SLC6A20: variants seen among roughly 807,000 people sequenced by gnomAD.
SLC6A20 encodes the protein solute carrier family 6 member 20.
In SLC6A20, 73 loss-of-function variants were observed where a neutral mutation model predicts 64.3. The observed-to-expected ratio is 1.14, with a 90% CI of 0.94 to 1.38. The LOEUF is 1.38. SLC6A20 is among the 40% of genes most tolerant of loss of function. The pLI, the probability that SLC6A20 is intolerant of heterozygous loss-of-function variation, is 0.00. For synonymous variants in SLC6A20, 347 were observed against 329.6 expected (o/e 1.05, Z -0.57); for missense variants, 725 against 772.8 (o/e 0.94, Z 0.73).
intron 6 of SLC6A20, 119 bp downstream of exon 6, chr3:45,771,098 A>C: frequency 6.9e-7 from 1 of 1,444,610 alleles, no homozygotes; most frequent in Admixed American, 2.1e-5. Context: ...GGGAGTCCAA[A>C]TGTGAGCCCT....
rs775401748 is a variant in SLC6A20 at position 45,771,326 on chromosome 3, C to T, written c.826G>A (p.Ala276Thr). Residue 276 changes from alanine to threonine, a missense_variant, in exon 6 of 11, where the codon GCC becomes ACC. Coordinates refer to ENST00000358525, the MANE Select transcript of SLC6A20 (RefSeq NM_020208.4). Reference protein sequence around the residue: ...NEPSNNCQKHAIIVSLINSFT... With the variant: ...NEPSNNCQKHTIIVSLINSFT... The stretch of plus-strand genomic sequence containing the variant: ...CTGTTGATGAGGGACACGATGATGG[C>T]GTGCTTCTGGCAGTTGTTGGATGGC... The T allele has an allele frequency of 2.4e-5, 38 of 1,614,242 alleles. No individual in the cohort carries two copies. The East Asian group carries it at 4.9e-4, about 21-fold the overall frequency.
At chr3:45,796,066 C>T (rs902763444) in intron 1 of SLC6A20, among the ~76,000 whole-genome samples, 4 of 152,142 alleles carry the variant, frequency 2.6e-5, no homozygotes, top group Admixed American at 6.5e-5. Flanking sequence ...GGCTTGGCCG[C>T]CCCCGGGATG....
rs749703688 is a variant in SLC6A20, at chr3:45,796,422, C to A, written c.-3G>T. The A allele has an allele frequency of 1.2e-6, 2 of 1,609,632 alleles. No individual in the cohort carries two copies. Among genetic ancestry groups the A allele is most frequent in the Non-Finnish European group, 1.7e-6 (2 of 1,178,180 alleles). On this transcript the variant is annotated 5_prime_UTR_variant, in exon 1 of 11. Transcript: ENST00000358525. ...CACAGCGGCCGCGCTTTCTCCATGG[C>A]CCCGGCCTCGGCGCGCTCGGCTCCG...
At chr3:45,792,857 A>G (rs545193808) in intron 1 of SLC6A20, among the ~76,000 whole-genome samples, 92 of 152,254 alleles carry the variant, frequency 6.0e-4, no homozygotes, top group African/African-American at 2.2e-3. Context: ...GTTGTTAAAC[A>G]TTTACTGGGA....
At chr3:45,761,640 G>A (rs924558303) in intron 9 of SLC6A20, among the ~76,000 whole-genome samples, 4 of 152,162 alleles carry the variant, frequency 2.6e-5, no homozygotes, top group Non-Finnish European at 5.9e-5. Context: ...CAATCCTGGG[G>A]AAACAGGGAG....
chr3:45,772,457 C>T, intron 5 of SLC6A20, 48 bp downstream of exon 5: 1 of 1,525,468 alleles, frequency 6.6e-7, no homozygotes, highest in African/African-American at 1.4e-5. Context: ...TGGAAGGTGG[C>T]AGGATAAGTG....
intron 1 of SLC6A20, among the ~76,000 whole-genome samples, chr3:45,788,469 A>G (rs1700202885): frequency 6.6e-6 from 1 of 152,216 alleles, no homozygotes. Flanking sequence ...CACAAATTCT[A>G]CAAGTCATTT....
Position 45,796,520 on chromosome 3 carries a change from G to T in SLC6A20, c.-101C>A, listed in dbSNP as rs1193727553. On this transcript the variant is annotated 5_prime_UTR_variant, in exon 1 of 11. Coordinates refer to ENST00000358525, the MANE Select transcript of SLC6A20 (RefSeq NM_020208.4). ...CCGTCCCACCCCGGCTCGGCTTGGG[G>T]GTGGCCCCGCGCCTCCGCCGCCGAC... is the stretch of plus-strand genomic sequence containing the variant. The T allele has an allele frequency of 3.2e-6, 4 of 1,247,820 alleles. No individual in the cohort carries two copies. The highest frequency in any genetic ancestry group is 1.6e-5 in the African/African-American group (1 of 62,658). The allele number at this position is 1,247,820 out of a possible 1,614,324, so 77.3% of individuals were successfully genotyped here.
At chr3:45,789,566 AT>A (rs1373926684) in intron 1 of SLC6A20, among the ~76,000 whole-genome samples, 1 of 75,580 alleles carries the variant, frequency 1.3e-5, no homozygotes, top group Non-Finnish European at 2.6e-5. Context: ...TTTTCAAAAA[AT>A]ATTACATGAT....
At chr3:45,776,729 G>A (rs1006188527) in intron 3 of SLC6A20, among the ~76,000 whole-genome samples, 11 of 152,172 alleles carry the variant, frequency 7.2e-5, no homozygotes, top group Admixed American at 2.0e-4. Flanking sequence ...CAGGACTTGA[G>A]GAAATCAGCA....
In SLC6A20 at chr3:45,772,377, G is replaced by A. The variant is rs1699887658; in HGVS notation, c.693+128C>T. 4.0e-6 allele frequency: 3 copies of A among 748,486 alleles called. No homozygotes were observed. The South Asian group carries it at 6.4e-5, about 16-fold the overall frequency. The allele number at this position is 748,486 out of a possible 1,614,324, so 46.4% of individuals were successfully genotyped here. A position where few individuals can be genotyped will look rare whatever the true frequency, so the allele number is the denominator to read the frequency against. ...TACTCCACACTCCTGCCACACCCTG[G>A]TGGGCTCACATCAGCTTCCGTAGGT... is the stretch of plus-strand genomic sequence containing the variant. On this transcript the variant is annotated intron_variant, in intron 5 of 10. Transcript: ENST00000358525.
Position 45,758,954 on chromosome 3 carries a change from GTGAGCGGC to G in SLC6A20, c.*16_*23del. On this transcript the variant is annotated 3_prime_UTR_variant, in exon 11 of 11. Coordinates refer to ENST00000358525, the MANE Select transcript of SLC6A20 (RefSeq NM_020208.4). ...GCCTGTAAATAGTATCTGTAAAACC[GTGAGCGGC>G]TGGGAAGCCCACATCTCAGGCCACG... is the stretch of plus-strand genomic sequence containing the variant. 6.3e-7 allele frequency: 1 copy of G among 1,581,328 alleles called. No individual in the cohort carries two copies. Among genetic ancestry groups the G allele is most frequent in the Non-Finnish European group, 8.6e-7 (1 of 1,164,038 alleles).
In SLC6A20 at chr3:45,757,807, G is replaced by A. The variant is rs1699574502; in HGVS notation, c.*1171C>T. On this transcript the variant is annotated 3_prime_UTR_variant, in exon 11 of 11. Transcript: ENST00000358525. Reference sequence around the variant, plus strand: ...AATTATATACATTTTAGAAAACTATGTACAGATGAATAATTTAAAATTAAT... The same window carrying A: ...AATTATATACATTTTAGAAAACTATATACAGATGAATAATTTAAAATTAAT... 6.6e-6 allele frequency: 1 copy of A among 152,010 alleles called. No individual in the cohort carries two copies. The highest frequency in any genetic ancestry group is 2.4e-5 in the African/African-American group (1 of 41,340). 9.4% of individuals were successfully genotyped at this position (152,010 alleles called of 1,614,324 possible).
rs543701895 is a variant in SLC6A20 at position 45,775,263 on chromosome 3, A to G, written c.582+498T>C. ...AATTAGAATCACCTGGCGAGCTTTT[A>G]AACCTCCCCTGCCTCCCCACCCAGT... On this transcript the variant is annotated intron_variant, in intron 4 of 10. Transcript: ENST00000358525. 4.6e-5 allele frequency among the ~76,000 whole-genome samples: 7 copies of G among 152,236 alleles called. No individual in the cohort carries two copies. In the South Asian group the frequency reaches 1.5e-3, roughly 32 times the overall value.
chr3:45,772,529 G>A lies in SLC6A20; in HGVS notation c.669C>T (p.Gly223=). ...CCTTGGGAGTGAACATGTACATGAG[G>A]CCATTGGTGGCTCCGTGGAGCGTGA... ...RGLTLHGATN[G]LMYMFTPKIE... The change falls in exon 5 of 11, where the codon GGC becomes GGT. Residue 223 remains glycine (G), a synonymous_variant. Transcript: ENST00000358525. The A allele has an allele frequency of 6.2e-7, 1 of 1,613,908 alleles. No individual in the cohort carries two copies. Among genetic ancestry groups the A allele is most frequent in the Non-Finnish European group, 8.5e-7 (1 of 1,179,904 alleles).
At chr3:45,762,043 C>G (rs924525893) in intron 9 of SLC6A20, among the ~76,000 whole-genome samples, 7 of 152,170 alleles carry the variant, frequency 4.6e-5, no homozygotes, top group Non-Finnish European at 7.3e-5. Flanking sequence ...GCACAGCCTC[C>G]TCGCCCAAAC....
At chr3:45,780,180 C>G in intron 2 of SLC6A20, 80 bp from the exon 3 acceptor site, 3 of 1,437,996 alleles carry the variant, frequency 2.1e-6, no homozygotes, top group Non-Finnish European at 2.9e-6. Context: ...GCTCCCAGGA[C>G]ACACCTGTGG....
At chr3:45,780,200 C>T (rs1020599338) in intron 2 of SLC6A20, 100 bp from the exon 3 acceptor site, 88 of 1,155,918 alleles carry the variant, frequency 7.6e-5, no homozygotes, top group East Asian at 3.9e-4. Context: ...GCGACCGCCC[C>T]GGGGTGGGCG....
At chr3:45,778,071 C>T (rs1278049859) in intron 3 of SLC6A20, among the ~76,000 whole-genome samples, 4 of 152,236 alleles carry the variant, frequency 2.6e-5, no homozygotes, top group Admixed American at 2.0e-4. Flanking sequence ...TGACCTCCCT[C>T]ACTCACCTCT....
Sources: gnomAD v4.1 joint callset for allele counts (sites outside exome capture counted in the v4.1 genomes callset) on GRCh38, gnomAD v4.1.1 for gene constraint, MANE v1.5 for transcripts, NCBI Gene and HGNC (gene_info 2026-07-23, HGNC 2026-07-21) for gene names.